The following MGST1 variants were observed in gnomAD, a reference collection of about 807,000 sequenced individuals.
The protein encoded by MGST1 is glutathione S-transferase 12.
In MGST1, 5 loss-of-function variants were observed where a neutral mutation model predicts 8.9. That is an observed-to-expected ratio of 0.56 (90% CI 0.29 to 1.19). The LOEUF is 1.19. Ranked by LOEUF, MGST1 falls within the 50% of genes most tolerant of loss-of-function variation. The pLI, the probability that MGST1 is intolerant of heterozygous loss-of-function variation, is 0.08. For synonymous variants in MGST1, 54 were observed against 67.8 expected (o/e 0.80, Z 1.00); for missense variants, 182 against 187.4 (o/e 0.97, Z 0.17).
rs955430818 is a variant in MGST1 at position 16,389,980 on chromosome 12, C to T, written n.778+6376C>T. Among the ~76,000 whole-genome samples the T allele has an allele frequency of 2.0e-5, 3 of 152,128 alleles. No homozygotes were observed. The highest frequency in any genetic ancestry group is 4.4e-5 in the Non-Finnish European group (3 of 68,024). On this transcript the variant is annotated intron_variant and non_coding_transcript_variant, in intron 1 of 1. Transcript: ENST00000359720. The surrounding 1 kb of genome is among the most constrained non-coding windows in gnomAD (Gnocchi z 4.6). ...GTGCAATACAGACTGCAGCTCCATCCGTCAGAGGGTTGAAATTTCACACAC... is the reference window on the plus strand; with the variant it reads ...GTGCAATACAGACTGCAGCTCCATCTGTCAGAGGGTTGAAATTTCACACAC...
intron 1 of MGST1, among the ~76,000 whole-genome samples, chr12:16,431,925 T>C (rs1292037877): frequency 6.6e-6 from 1 of 152,166 alleles, no homozygotes; most frequent in African/African-American, 2.4e-5. Flanking sequence ...AACCATCATA[T>C]TTTTTCCCTA....
In MGST1 at chr12:16,503,569, A is replaced by C. The variant is rs1941519122; in HGVS notation, n.483-85959A>C. Among the ~76,000 whole-genome samples the C allele has an allele frequency of 6.6e-6, 1 of 152,170 alleles. No homozygotes were observed. The highest frequency in any genetic ancestry group is 1.5e-5 in the Non-Finnish European group (1 of 68,034). The stretch of plus-strand genomic sequence containing the variant: ...CTATCTCTTCTCTACTATTGGCTTC[A>C]TAATTGTACATCCTCTTTAGACAGG... On this transcript the variant is annotated intron_variant and non_coding_transcript_variant, in intron 4 of 4. Transcript: ENST00000538857. This position sits in a 1 kb window ranked among gnomAD's most constrained non-coding sequence, Gnocchi z 4.8.
intron 4 of MGST1, among the ~76,000 whole-genome samples, chr12:16,562,611 C>A (rs1397555460): frequency 6.6e-6 from 1 of 152,178 alleles, no homozygotes; most frequent in Non-Finnish European, 1.5e-5. Context: ...CCACTGGGAC[C>A]TGAGACCTGC....
At chr12:16,543,016 C>T (rs1395960685) in intron 4 of MGST1, among the ~76,000 whole-genome samples, 2 of 152,176 alleles carry the variant, frequency 1.3e-5, no homozygotes, top group Admixed American at 6.5e-5. Flanking sequence ...CTCCTGGGTG[C>T]TCCCCCAGTG....
intron 4 of MGST1, among the ~76,000 whole-genome samples, chr12:16,451,820 A>C (rs1353402462): frequency 6.6e-6 from 1 of 151,900 alleles, no homozygotes; most frequent in Non-Finnish European, 1.5e-5. Flanking sequence ...ATAAGTAATC[A>C]ATTTGGTTTT....
intron 4 of MGST1, among the ~76,000 whole-genome samples, chr12:16,453,575 T>A (rs1010049026): frequency 6.6e-6 from 1 of 151,942 alleles, no homozygotes; most frequent in Non-Finnish European, 1.5e-5. Flanking sequence ...TGTAACAAAG[T>A]ATTATAAAAT....
chr12:16,441,950 A>G (rs1340066931), downstream of MGST1, among the ~76,000 whole-genome samples: 2 of 151,796 alleles, frequency 1.3e-5, no homozygotes, highest in Non-Finnish European at 2.9e-5. Context: ...TCCGTCAGCA[A>G]TGCTCCACAT....
At chr12:16,356,379 C>T (rs1939713809) in intron 2 of MGST1, among the ~76,000 whole-genome samples, 4 of 151,902 alleles carry the variant, frequency 2.6e-5, no homozygotes, top group African/African-American at 7.3e-5. Flanking sequence ...GGGAGCACTA[C>T]GATGAACAAG....
chr12:16,357,347 C>T (rs1939764081), intron 2 of MGST1, among the ~76,000 whole-genome samples: 2 of 152,112 alleles, frequency 1.3e-5, no homozygotes, highest in Non-Finnish European at 2.9e-5. Context: ...GCAGCCTCAA[C>T]CTCTCGGGCT....
At chr12:16,591,699 C>G (rs556139387), downstream of MGST1, among the ~76,000 whole-genome samples, 1 of 152,108 alleles carries the variant, frequency 6.6e-6, no homozygotes, top group African/African-American at 2.4e-5. The surrounding 1 kb of genome is among the most constrained non-coding windows in gnomAD (Gnocchi z 4.1). Flanking sequence ...TGATAACTTA[C>G]TGATATCTGT....
Position 16,354,396 on chromosome 12 carries a change from A to G in MGST1, c.126+18A>G. On this transcript the variant is annotated intron_variant, in intron 2 of 3. Transcript: ENST00000396210. ...CAAGAAAGGTAAGAAATTTGGAGGTAATATTTTCTTACTTTTAAGAGTTGG... is the reference window on the plus strand; with the variant it reads ...CAAGAAAGGTAAGAAATTTGGAGGTGATATTTTCTTACTTTTAAGAGTTGG... 1.3e-6 allele frequency: 2 copies of G among 1,583,524 alleles called. No individual in the cohort carries two copies. Among genetic ancestry groups the G allele is most frequent in the East Asian group, 2.3e-5 (1 of 44,300 alleles).
chr12:16,558,214 C>T (rs1370127063), intron 4 of MGST1, among the ~76,000 whole-genome samples: 1 of 152,022 alleles, frequency 6.6e-6, no homozygotes, highest in Non-Finnish European at 1.5e-5. Flanking sequence ...GTCCTATAGA[C>T]ATAGGAACAT....
At chr12:16,519,304 G>A (rs1941634163) in intron 4 of MGST1, among the ~76,000 whole-genome samples, 2 of 152,148 alleles carry the variant, frequency 1.3e-5, no homozygotes. Context: ...GCCTATGTTG[G>A]TATTGTGTTT....
intron 4 of MGST1, chr12:16,550,597 G>C (rs1420768123): frequency 6.6e-6 from 1 of 152,258 alleles, no homozygotes; most frequent in Non-Finnish European, 1.5e-5. Context: ...AAAATAGGGG[G>C]TTATAACAAG....
chr12:16,396,709 C>T (rs1940609704), intron 1 of MGST1, among the ~76,000 whole-genome samples: 1 of 152,052 alleles, frequency 6.6e-6, no homozygotes, highest in Non-Finnish European at 1.5e-5. Flanking sequence ...ATAAAAAATA[C>T]TTAGGAATAT....
chr12:16,508,728 C>T lies in MGST1; in HGVS notation n.483-80800C>T, dbSNP rs201216087. On this transcript the variant is annotated intron_variant and non_coding_transcript_variant, in intron 4 of 4. Coordinates refer to the MGST1 transcript ENST00000538857. ...CAGTCTCACTCTTTTTGTGCCTGATCAAATGAATGTATGCTTAATGTAGTG... is the reference window on the plus strand; with the variant it reads ...CAGTCTCACTCTTTTTGTGCCTGATTAAATGAATGTATGCTTAATGTAGTG... 2.0e-5 allele frequency among the ~76,000 whole-genome samples: 3 copies of T among 152,270 alleles called. No homozygotes were observed. In the East Asian group the frequency reaches 5.8e-4, roughly 29 times the overall value.
At chr12:16,425,625 A>G (rs1940878727) in intron 1 of MGST1, among the ~76,000 whole-genome samples, 1 of 152,170 alleles carries the variant, frequency 6.6e-6, no homozygotes, top group South Asian at 2.1e-4. Flanking sequence ...GCACCACACC[A>G]ATAAAGACAC....
At chr12:16,377,429 G>A (rs947487945), downstream of MGST1, among the ~76,000 whole-genome samples, 1 of 151,492 alleles carries the variant, frequency 6.6e-6, no homozygotes, top group Non-Finnish European at 1.5e-5. Context: ...AGTTTGCTGA[G>A]AATGATGGTT....
At chr12:16,532,516 T>C (rs2137201956) in intron 4 of MGST1, among the ~76,000 whole-genome samples, 1 of 152,298 alleles carries the variant, frequency 6.6e-6, no homozygotes, top group Non-Finnish European at 1.5e-5. Flanking sequence ...CATTTATGTT[T>C]ATTAATGTGA....
Sources: gnomAD v4.1 joint callset for allele counts (sites outside exome capture counted in the v4.1 genomes callset) on GRCh38, gnomAD v4.1.1 for gene constraint, Gnocchi (gnomAD v3.1) non-coding constraint, MANE v1.5 for transcripts, NCBI Gene and HGNC (gene_info 2026-07-23, HGNC 2026-07-21) for gene names.